WDR25: variants seen among roughly 807,000 people sequenced by gnomAD.
WDR25 encodes WD repeat domain 25.
In WDR25, 35 loss-of-function variants were observed where a neutral mutation model predicts 47.7. The observed-to-expected ratio is 0.73, with a 90% CI of 0.56 to 0.97. The LOEUF (loss-of-function observed/expected upper bound fraction) is 0.97, where lower values mean the gene tolerates loss of function less well. WDR25 is among the 50% of genes least tolerant of loss of function. The pLI, the probability that WDR25 is intolerant of heterozygous loss-of-function variation, is 0.00. For synonymous variants in WDR25, 248 were observed against 278.9 expected (o/e 0.89, Z 1.10); for missense variants, 634 against 704.7 (o/e 0.90, Z 1.14).
At position 100,430,734 on chromosome 14, in the gene WDR25, C is replaced by T. The variant is rs1180804643; in HGVS notation, c.823-37287C>T. Among the ~76,000 whole-genome samples, 2 of 152,170 alleles carry T rather than the reference C, an allele frequency of 1.3e-5. No individual in the cohort carries two copies. Among genetic ancestry groups the T allele is most frequent in the Non-Finnish European group, 2.9e-5 (2 of 68,038 alleles). ...CTGTGGGGAAGGGATGGTGGAGATG[C>T]AGGAAGCCCATGCTGACGTGCGGAG... On this transcript the variant is annotated intron_variant, in intron 2 of 6. Transcript: ENST00000402312. This position sits in a 1 kb window ranked among gnomAD's most constrained non-coding sequence, Gnocchi z 4.7.
At chr14:100,384,091 G>A (rs923722212) in intron 2 of WDR25, among the ~76,000 whole-genome samples, 1 of 152,192 alleles carries the variant, frequency 6.6e-6, no homozygotes, top group Admixed American at 6.5e-5. Context: ...GGCAGCTTCT[G>A]GGGAGCCCCA....
chr14:100,521,074 T>C (rs2029871571), intron 4 of WDR25, among the ~76,000 whole-genome samples: 1 of 152,160 alleles, frequency 6.6e-6, no homozygotes, highest in African/African-American at 2.4e-5. Context: ...CAAACTACAG[T>C]TGATGGGTCT....
At position 100,379,890 on chromosome 14, in the gene WDR25, T is replaced by C. The variant is rs1255018426; in HGVS notation, c.-15-1020T>C. 4.0e-5 allele frequency among the ~76,000 whole-genome samples: 6 copies of C among 151,832 alleles called. No homozygotes were observed. In the South Asian group the frequency reaches 6.2e-4, roughly 16 times the overall value. On this transcript the variant is annotated intron_variant, in intron 1 of 6. Coordinates refer to ENST00000402312, the MANE Select transcript of WDR25 (RefSeq NM_001161476.3). ...CCGAGTAGCTGGGACTACAGGTGCG[T>C]GCCACCACGCCTGGCTAATTTTTGT...
intron 3 of WDR25, among the ~76,000 whole-genome samples, chr14:100,469,560 C>T (rs901524763): frequency 5.9e-5 from 9 of 152,158 alleles, no homozygotes; most frequent in Admixed American, 2.0e-4. Flanking sequence ...CCCTTCCCAC[C>T]GTGCCGTGTG....
At chr14:100,436,336 T>C (rs1238487359) in intron 2 of WDR25, among the ~76,000 whole-genome samples, 2 of 152,220 alleles carry the variant, frequency 1.3e-5, no homozygotes, top group African/African-American at 2.4e-5. Context: ...TGTGTGCTTG[T>C]CATACTTAGA....
rs796096587 is a variant in WDR25 at position 100,517,106 on chromosome 14, G to GTT, written c.1102-8738_1102-8737dup. On this transcript the variant is annotated intron_variant, in intron 4 of 6. Coordinates refer to ENST00000402312, the MANE Select transcript of WDR25 (RefSeq NM_001161476.3). Reference sequence around the variant, plus strand: ...CCACTGCACCTGACATATCTCCTCTGTTTTTTTTTTTTTTTTTTTTTTTTT... The same window carrying GTT: ...CCACTGCACCTGACATATCTCCTCTGTTTTTTTTTTTTTTTTTTTTTTTTTTT... Among the ~76,000 whole-genome samples the GTT allele has an allele frequency of 7.6e-3, 502 of 65,894 alleles. 96 individuals are homozygous for GTT. Among genetic ancestry groups the GTT allele is most frequent in the African/African-American group, 0.02 (276 of 13,884 alleles). The allele number at this position is 65,894 out of a possible 152,430, so 43.2% of individuals were successfully genotyped here. A position where few individuals can be genotyped will look rare whatever the true frequency, so the allele number is the denominator to read the frequency against.
chr14:100,442,821 A>G (rs759484354), intron 2 of WDR25, among the ~76,000 whole-genome samples: 1 of 152,248 alleles, frequency 6.6e-6, no homozygotes, highest in Non-Finnish European at 1.5e-5. Flanking sequence ...TCTGCAGCTA[A>G]TAGAAGCATA....
chr14:100,523,348 G>A lies in WDR25; in HGVS notation c.1102-2522G>A, dbSNP rs780179929. Among the ~76,000 whole-genome samples the A allele has an allele frequency of 5.9e-5, 9 of 152,288 alleles. No individual in the cohort carries two copies. The South Asian group carries it at 1.7e-3, about 28-fold the overall frequency. ...GGCAGCTAAGGGAGCACAGGGTTGC[G>A]TGTGAGCCCAGAGCAGTGCCTCCCC... On this transcript the variant is annotated intron_variant, in intron 4 of 6. Transcript: ENST00000402312. The surrounding 1 kb of genome is among the most constrained non-coding windows in gnomAD (Gnocchi z 4.7).
At chr14:100,419,237 A>AG (rs1468623824) in intron 2 of WDR25, among the ~76,000 whole-genome samples, 4 of 151,574 alleles carry the variant, frequency 2.6e-5, no homozygotes, top group Non-Finnish European at 5.9e-5. Context: ...AAAAAAAAAA[A>AG]AAAATTTATT....
chr14:100,435,202 T>A lies in WDR25; in HGVS notation c.823-32819T>A, dbSNP rs774141638. 1.6e-4 allele frequency among the ~76,000 whole-genome samples: 24 copies of A among 152,172 alleles called. 1 individual carries two copies. Among genetic ancestry groups the A allele is most frequent in the Non-Finnish European group, 3.4e-4 (23 of 68,030 alleles). ...GGTCCTAGAGGTTGAGGCCAGACTGTCTGGTGCCAGAACTGAAACTTGTGA... is the reference window on the plus strand; with the variant it reads ...GGTCCTAGAGGTTGAGGCCAGACTGACTGGTGCCAGAACTGAAACTTGTGA... On this transcript the variant is annotated intron_variant, in intron 2 of 6. Transcript: ENST00000402312.
At chr14:100,431,859 G>A (rs775289605) in intron 2 of WDR25, among the ~76,000 whole-genome samples, 42 of 152,194 alleles carry the variant, frequency 2.8e-4, no homozygotes, top group East Asian at 7.7e-4. Context: ...ACAGGTGCCC[G>A]CCACCAAGCC....
chr14:100,441,156 A>G (rs772915722), intron 2 of WDR25, among the ~76,000 whole-genome samples: 7 of 152,152 alleles, frequency 4.6e-5, no homozygotes, highest in Non-Finnish European at 1.0e-4. Context: ...ACACTCTGGT[A>G]TGGACATCAT....
In WDR25 at chr14:100,380,934, A is replaced by C; in HGVS notation, c.10A>C (p.Arg4=). The change falls in exon 2 of 7, where the codon AGA becomes CGA. Residue 4 remains arginine (R), a synonymous_variant. Coordinates refer to ENST00000402312, the MANE Select transcript of WDR25 (RefSeq NM_001161476.3). MTA[R]TLSLMASLVA... ...GGTGGTTTGGCTTTGAATGACAGCA[A>C]GAACTCTGTCTTTAATGGCTTCATT... 6.2e-7 allele frequency: 1 copy of C among 1,611,944 alleles called. No individual in the cohort carries two copies. The highest frequency in any genetic ancestry group is 8.5e-7 in the Non-Finnish European group (1 of 1,178,072).
chr14:100,418,545 G>A (rs753382101), intron 2 of WDR25, among the ~76,000 whole-genome samples: 27 of 151,758 alleles, frequency 1.8e-4, no homozygotes, highest in Non-Finnish European at 2.4e-4. Flanking sequence ...GCTGAGGCAG[G>A]AGAATTGCTT....
At chr14:100,400,937 AG>A (rs1897362885) in intron 2 of WDR25, among the ~76,000 whole-genome samples, 1 of 152,220 alleles carries the variant, frequency 6.6e-6, no homozygotes, top group African/African-American at 2.4e-5. Flanking sequence ...TTTAGAAGAA[AG>A]GTTTGAAATT....
Position 100,498,257 on chromosome 14 carries a change from C to T in WDR25, c.1101+14133C>T, listed in dbSNP as rs755259161. On this transcript the variant is annotated intron_variant, in intron 4 of 6. Transcript: ENST00000402312. The surrounding 1 kb of genome is among the most constrained non-coding windows in gnomAD (Gnocchi z 4.2). Reference sequence around the variant, plus strand: ...TTGGTGCTTCTCTGCAAATCTGGCGCGGAGGCTGCGGAGGGAGATGGATGT... The same window carrying T: ...TTGGTGCTTCTCTGCAAATCTGGCGTGGAGGCTGCGGAGGGAGATGGATGT... Among the ~76,000 whole-genome samples, 2 of 152,092 alleles carry T rather than the reference C, an allele frequency of 1.3e-5. No individual in the cohort carries two copies. Among genetic ancestry groups the T allele is most frequent in the South Asian group, 2.1e-4 (1 of 4,830 alleles).
At chr14:100,495,357 A>AAAAC (rs578036672) in intron 4 of WDR25, among the ~76,000 whole-genome samples, 2 of 152,208 alleles carry the variant, frequency 1.3e-5, no homozygotes, top group Non-Finnish European at 2.9e-5. Context: ...CTCCGTCTCA[A>AAAAC]AAACAAACAA....
intron 4 of WDR25, among the ~76,000 whole-genome samples, chr14:100,519,685 TATA>T (rs1901631087): frequency 6.9e-6 from 1 of 144,816 alleles, no homozygotes; most frequent in South Asian, 2.1e-4. Flanking sequence ...ATATATAACA[TATA>T]ATCATCTATA....
At chr14:100,473,053 G>A (rs1405687179) in intron 3 of WDR25, among the ~76,000 whole-genome samples, 3 of 152,234 alleles carry the variant, frequency 2.0e-5, no homozygotes, top group Non-Finnish European at 4.4e-5. Context: ...CTTTCCAAGA[G>A]GTGTCTTCTT....
Sources: gnomAD v4.1 joint callset for allele counts (sites outside exome capture counted in the v4.1 genomes callset) on GRCh38, gnomAD v4.1.1 for gene constraint, Gnocchi (gnomAD v3.1) non-coding constraint, MANE v1.5 for transcripts, NCBI Gene and HGNC (gene_info 2026-07-23, HGNC 2026-07-21) for gene names.